The following CIROZ variants were observed in gnomAD, a reference collection of about 807,000 sequenced individuals.
CIROZ encodes the protein ciliated left-right organizer ZP-N domains-containing protein.
chr1:10,971,148 CA>C, the CIROZ span, among the ~76,000 whole-genome samples: 9,976 of 104,764 alleles, frequency 0.095, 2,298 homozygotes, highest in African/African-American at 0.46. Flanking sequence ...GACTCCACCT[CA>C]AAAAAAAAAA....
chr1:10,952,826 T>C, the CIROZ span, among the ~76,000 whole-genome samples: 1 of 152,222 alleles, frequency 6.6e-6, no homozygotes, highest in Non-Finnish European at 1.5e-5. Context: ...TGTGGGCATT[T>C]CTTATCTCCC....
chr1:10,955,958 C>T, the CIROZ span, among the ~76,000 whole-genome samples: 1 of 152,124 alleles, frequency 6.6e-6, no homozygotes, highest in Admixed American at 6.5e-5. Flanking sequence ...TCTGCAGCTG[C>T]TAATGGAAGC....
At chr1:10,950,030 C>CCT in the CIROZ span, among the ~76,000 whole-genome samples, 1 of 101,688 alleles carries the variant, frequency 9.8e-6, no homozygotes, top group Non-Finnish European at 1.9e-5. Flanking sequence ...CATCAAGATT[C>CCT]TTTTTTTTTT....
the CIROZ span, chr1:10,976,267 G>A: frequency 6.6e-7 from 1 of 1,525,776 alleles, no homozygotes; most frequent in South Asian, 1.2e-5. Flanking sequence ...CTGCGGGAGA[G>A]GAGGGAAGGG....
the CIROZ span, among the ~76,000 whole-genome samples, chr1:10,953,258 G>A: frequency 7.2e-5 from 11 of 152,254 alleles, no homozygotes; most frequent in Non-Finnish European, 1.6e-4. Context: ...AATCTCCTTC[G>A]CGTCTGTCTT....
the CIROZ span, chr1:10,966,424 C>T: frequency 6.5e-7 from 1 of 1,536,718 alleles, no homozygotes; most frequent in Non-Finnish European, 8.7e-7. Flanking sequence ...AAGCCAGATG[C>T]AGGAAGTAGC....
chr1:10,973,248 C>G, the CIROZ span, among the ~76,000 whole-genome samples: 2 of 152,146 alleles, frequency 1.3e-5, no homozygotes, highest in Non-Finnish European at 2.9e-5. Flanking sequence ...TTGCGGGTGC[C>G]TGTAATCCCA....
chr1:10,948,854 G>C, the CIROZ span: 9 of 1,479,462 alleles, frequency 6.1e-6, no homozygotes, highest in Non-Finnish European at 8.1e-6. Flanking sequence ...TCTTCACCAA[G>C]AGAGAAGTGG....
At chr1:10,953,464 A>G in the CIROZ span, among the ~76,000 whole-genome samples, 1 of 152,214 alleles carries the variant, frequency 6.6e-6, no homozygotes, top group Admixed American at 6.5e-5. Flanking sequence ...CACCACGTTT[A>G]GAAGAAGGTT....
chr1:10,955,651 T>C, the CIROZ span, among the ~76,000 whole-genome samples: 1 of 152,088 alleles, frequency 6.6e-6, no homozygotes, highest in Non-Finnish European at 1.5e-5. Flanking sequence ...AAGACCAGCC[T>C]GGCCTACATG....
At chr1:10,978,709 C>CA in the CIROZ span, among the ~76,000 whole-genome samples, 25 of 149,742 alleles carry the variant, frequency 1.7e-4, no homozygotes, top group East Asian at 2.9e-3. Flanking sequence ...GACCCTGTCT[C>CA]AAAAAAAAAG....
chr1:10,973,531 C>T, the CIROZ span, among the ~76,000 whole-genome samples: 1 of 152,172 alleles, frequency 6.6e-6, no homozygotes, highest in African/African-American at 2.4e-5. Context: ...TCACTCATCG[C>T]TGCTGAGAGA....
At chr1:10,970,036 G>T in the CIROZ span, 1 of 1,536,986 alleles carries the variant, frequency 6.5e-7, no homozygotes, top group Non-Finnish European at 8.7e-7. Context: ...GGGATCCACA[G>T]GGTCATGTAG....
chr1:10,948,492 C>G, the CIROZ span: 1 of 1,614,148 alleles, frequency 6.2e-7, no homozygotes, highest in Non-Finnish European at 8.5e-7. Context: ...CTGTTCAGGC[C>G]TCACAGTTCC....
At chr1:10,951,748 A>T in the CIROZ span, among the ~76,000 whole-genome samples, 1 of 141,620 alleles carries the variant, frequency 7.1e-6, no homozygotes, top group Non-Finnish European at 1.5e-5. Context: ...AAAAAAAAAT[A>T]TATATATATA....
At chr1:10,958,750 G>T in the CIROZ span, 4 of 1,613,966 alleles carry the variant, frequency 2.5e-6, no homozygotes, top group Non-Finnish European at 3.4e-6. Context: ...GGGGCCGGGA[G>T]ACCTGCAGAG....
the CIROZ span, chr1:10,976,337 CTTTTT>C: frequency 1.4e-6 from 1 of 711,282 alleles, no homozygotes; most frequent in Non-Finnish European, 2.2e-6. Context: ...CATTATATTT[CTTTTT>C]TTTTTTTTTC....
chr1:10,975,366 C>T, the CIROZ span, among the ~76,000 whole-genome samples: 1 of 147,040 alleles, frequency 6.8e-6, no homozygotes, highest in Non-Finnish European at 1.5e-5. Context: ...AGTTGTGCCA[C>T]TGCACTCCAG....
chr1:10,961,682 G>A, the CIROZ span, among the ~76,000 whole-genome samples: 2 of 152,292 alleles, frequency 1.3e-5, no homozygotes, highest in South Asian at 2.1e-4. Flanking sequence ...GGCAGCTCAC[G>A]CCTGTAATCC....
Sources: gnomAD v4.1 joint callset for allele counts (sites outside exome capture counted in the v4.1 genomes callset) on GRCh38, gnomAD v4.1.1 for gene constraint, MANE v1.5 for transcripts, NCBI Gene and HGNC (gene_info 2026-07-23, HGNC 2026-07-21) for gene names.